PCNX2: variants seen among roughly 807,000 people sequenced by gnomAD.
The protein encoded by PCNX2 is pecanex-like protein 2.
A neutral mutation model predicts 223.8 loss-of-function variants in PCNX2; 168 were observed. The observed-to-expected ratio is 0.75, with a 90% CI of 0.66 to 0.85. The LOEUF (loss-of-function observed/expected upper bound fraction) is 0.85. PCNX2 is among the 40% of genes least tolerant of loss of function. The pLI is 0.00. For synonymous variants in PCNX2, 1,006 were observed against 1,052.6 expected, an observed-to-expected ratio of 0.96 and a Z score of 0.86; for missense variants, 2,507 against 2,675.5, an observed-to-expected ratio of 0.94 and a Z score of 1.39.
At chr1:233,114,727 C>A (rs997337041) in intron 21 of PCNX2, among the ~76,000 whole-genome samples, 3 of 152,160 alleles carry the variant, frequency 2.0e-5, no homozygotes, top group Non-Finnish European at 4.4e-5. Flanking sequence ...AGTCACAATG[C>A]AGATTAGCTT....
upstream of PCNX2, among the ~76,000 whole-genome samples, chr1:233,300,347 G>A (rs1466172231): frequency 2.0e-5 from 3 of 152,212 alleles, no homozygotes; most frequent in African/African-American, 7.2e-5. Flanking sequence ...CAATGTAAAA[G>A]TTGAAATATT....
chr1:233,209,143 C>T (rs77932329), intron 12 of PCNX2, among the ~76,000 whole-genome samples: 7,441 of 152,128 alleles, frequency 0.049, 580 homozygotes, highest in African/African-American at 0.16. Context: ...ATTTCCCAGT[C>T]TCTTAGAAAG....
intron 15 of PCNX2, among the ~76,000 whole-genome samples, chr1:233,185,161 G>C (rs2102868940): frequency 6.7e-6 from 1 of 149,786 alleles, no homozygotes; most frequent in East Asian, 2.0e-4. Flanking sequence ...ATTTCTCAAG[G>C]AAACAAGGAC....
At chr1:233,190,355 C>G (rs904077262) in intron 15 of PCNX2, among the ~76,000 whole-genome samples, 4 of 152,040 alleles carry the variant, frequency 2.6e-5, no homozygotes, top group African/African-American at 9.7e-5. Flanking sequence ...TCCTAAGGAC[C>G]CTCTTGACAA....
intron 22 of PCNX2, among the ~76,000 whole-genome samples, chr1:233,092,633 G>A (rs1175020030): frequency 6.6e-6 from 1 of 152,084 alleles, no homozygotes; most frequent in African/African-American, 2.4e-5. Context: ...CACTACTACT[G>A]GCAAGGCAGT....
At chr1:233,034,263 G>A (rs542100027) in intron 25 of PCNX2, among the ~76,000 whole-genome samples, 1 of 152,222 alleles carries the variant, frequency 6.6e-6, no homozygotes, top group South Asian at 2.1e-4. Context: ...AGGTGATTGG[G>A]TTATGAGGGT....
At chr1:233,149,836 G>T (rs1225795091) in intron 19 of PCNX2, among the ~76,000 whole-genome samples, 1 of 151,720 alleles carries the variant, frequency 6.6e-6, no homozygotes, top group Non-Finnish European at 1.5e-5. Context: ...GCTGCCCATG[G>T]CCCAGTCCCA....
intron 20 of PCNX2, among the ~76,000 whole-genome samples, chr1:233,137,715 G>A (rs903777167): frequency 6.6e-6 from 1 of 152,154 alleles, no homozygotes; most frequent in Non-Finnish European, 1.5e-5. Flanking sequence ...TAAAGGCTGA[G>A]GTAGCAATTG....
rs998010273 is a variant in PCNX2, at chr1:233,246,200, G to A, written c.2222+4539C>T. ...TAAATGCCCTTCAGATGGGATAAAT[G>A]CCCTTCAGATGGGATGAATGCCCTT... On this transcript the variant is annotated intron_variant, in intron 8 of 33. Coordinates refer to ENST00000258229, the MANE Select transcript of PCNX2 (RefSeq NM_014801.4). Among the ~76,000 whole-genome samples the A allele has an allele frequency of 2.0e-5, 3 of 151,730 alleles. No individual in the cohort carries two copies. In the South Asian group the frequency reaches 6.3e-4, roughly 32 times the overall value.
At position 232,999,123 on chromosome 1, in the gene PCNX2, A is replaced by C; in HGVS notation, c.5585T>G (p.Phe1862Cys). 6.2e-7 allele frequency: 1 copy of C among 1,610,646 alleles called. No individual in the cohort carries two copies. The highest frequency in any genetic ancestry group is 8.5e-7 in the Non-Finnish European group (1 of 1,177,326). Reference protein sequence around the residue: ...PITLDRIRTWFWTKWVRMRKD... With the variant: ...PITLDRIRTWCWTKWVRMRKD... ...AACTTACCTTACCCACTTGGTCCAG[A>C]ACCAGGTCCTAATTCTGTCCAAAGT... Residue 1862 changes from phenylalanine (F) to cysteine (C), a missense_variant, in exon 31 of 34, where the codon TTC becomes TGC. By Grantham distance (205) the Phe-to-Cys change is radical. Around this residue, in one of 3 missense-constraint regions of PCNX2, gnomAD observed 1,372 missense variants for 1,509.4 expected, o/e 0.91. Transcript: ENST00000258229.
At chr1:233,071,470 T>A (rs1572069071) in intron 23 of PCNX2, among the ~76,000 whole-genome samples, 1 of 152,194 alleles carries the variant, frequency 6.6e-6, no homozygotes, top group East Asian at 1.9e-4. Context: ...TCCATCCATG[T>A]TTCTGCAAAG....
chr1:233,208,524 A>G lies in PCNX2; in HGVS notation c.2857T>C (p.Leu953=), dbSNP rs376948633. The G allele has an allele frequency of 4.2e-4, 671 of 1,613,448 alleles. 1 individual carries two copies. The highest frequency in any genetic ancestry group is 5.2e-4 in the Non-Finnish European group (615 of 1,179,586). Residue 953 remains leucine (L), a synonymous_variant, in exon 13 of 34, where the codon TTA becomes CTA. Transcript: ENST00000258229. ...AACCCCATAATTAACTCACCTATTA[A>G]GTAGTCCCTAGCTGATTGTAGAAAC... ...PVFLQSARDY[L]IVFLYCFPAI...
chr1:233,077,518 T>A (rs376718002), intron 23 of PCNX2, among the ~76,000 whole-genome samples: 1 of 152,154 alleles, frequency 6.6e-6, no homozygotes, highest in African/African-American at 2.4e-5. Context: ...CTCCTAAAAT[T>A]AGGCTTTTTG....
At chr1:233,090,975 T>C (rs940297110) in intron 22 of PCNX2, among the ~76,000 whole-genome samples, 4 of 152,228 alleles carry the variant, frequency 2.6e-5, no homozygotes, top group African/African-American at 9.6e-5. Flanking sequence ...AACAGTTCTC[T>C]GAGCAAGCTG....
chr1:232,984,594 GA>G, intron 33 of PCNX2, 117 bp from the exon 34 acceptor site: 1 of 1,194,938 alleles, frequency 8.4e-7, no homozygotes, highest in South Asian at 1.5e-5. Flanking sequence ...CCATATCCTT[GA>G]GGTCAGGTTC....
At chr1:233,121,451 T>TA (rs1294834653) in intron 21 of PCNX2, among the ~76,000 whole-genome samples, 1 of 152,232 alleles carries the variant, frequency 6.6e-6, no homozygotes, top group Non-Finnish European at 1.5e-5. Flanking sequence ...TATAAAATGA[T>TA]AGTTATCAAG....
At chr1:233,154,247 T>G (rs1356333672) in intron 19 of PCNX2, among the ~76,000 whole-genome samples, 3 of 152,052 alleles carry the variant, frequency 2.0e-5, no homozygotes, top group Non-Finnish European at 4.4e-5. Context: ...TCGAACTAAT[T>G]TTTTGTAATT....
chr1:232,988,063 A>C (rs752711742), intron 32 of PCNX2, among the ~76,000 whole-genome samples: 26 of 152,188 alleles, frequency 1.7e-4, no homozygotes, highest in Non-Finnish European at 8.8e-5. Context: ...TGAGTAGTTG[A>C]ATATATTCCT....
intron 1 of PCNX2, among the ~76,000 whole-genome samples, chr1:233,271,836 C>T (rs1199107548): frequency 6.6e-6 from 1 of 152,106 alleles, no homozygotes; most frequent in Non-Finnish European, 1.5e-5. Context: ...GGTTTATGTG[C>T]CTATTTTTAT....
Sources: allele counts gnomAD v4.1 joint callset (sites outside exome capture counted in the v4.1 genomes callset), GRCh38; gene constraint gnomAD v4.1.1; regional missense constraint gnomAD v4.1.1; transcripts MANE v1.5; gene names NCBI Gene and HGNC (gene_info 2026-07-23, HGNC 2026-07-21).